The following FHIT variants were observed in gnomAD, a reference collection of about 807,000 sequenced individuals.
FHIT encodes bis(5'-adenosyl)-triphosphatase.
Under a neutral mutation model 17.9 loss-of-function variants are expected in FHIT, and 19 were observed. The ratio of observed to expected loss-of-function variants is 1.06; its 90% CI spans 0.74 to 1.56. FHIT has a LOEUF of 1.56. Among genes scored for constraint, FHIT ranks in the 40% most tolerant of loss-of-function variants. The pLI is 0.00. For missense variants in FHIT, 248 were observed against 189.2 expected (o/e 1.31, Z -1.82); for synonymous variants, 81 against 69.7 (o/e 1.16, Z -0.81).
At chr3:60,704,815 C>G (rs1177860739) in intron 4 of FHIT, among the ~76,000 whole-genome samples, 1 of 152,026 alleles carries the variant, frequency 6.6e-6, no homozygotes, top group Admixed American at 6.5e-5. Flanking sequence ...TAAAACTTAC[C>G]ATCAACTACT....
chr3:60,072,544 A>T (rs1055888215), intron 5 of FHIT, among the ~76,000 whole-genome samples: 6 of 152,220 alleles, frequency 3.9e-5, no homozygotes, highest in African/African-American at 1.4e-4. Context: ...TACACATTCC[A>T]TATATTAACT....
chr3:61,043,931 G>C (rs2033654921), intron 2 of FHIT, among the ~76,000 whole-genome samples: 1 of 152,140 alleles, frequency 6.6e-6, no homozygotes, highest in Admixed American at 6.5e-5. Flanking sequence ...CTGTTGGAAG[G>C]AAAACTAACA....
intron 7 of FHIT, among the ~76,000 whole-genome samples, chr3:59,937,696 T>C (rs1460896621): frequency 6.6e-6 from 1 of 152,220 alleles, no homozygotes; most frequent in Non-Finnish European, 1.5e-5. Flanking sequence ...CAAAGGAACA[T>C]TATTCTCCTT....
intron 7 of FHIT, among the ~76,000 whole-genome samples, chr3:59,970,742 T>A (rs1201816656): frequency 6.6e-6 from 1 of 152,054 alleles, no homozygotes; most frequent in Non-Finnish European, 1.5e-5. Context: ...TCTCCGGGAC[T>A]CCTAAATTTT....
At chr3:60,852,347 G>A (rs1703188346) in intron 3 of FHIT, among the ~76,000 whole-genome samples, 1 of 152,026 alleles carries the variant, frequency 6.6e-6, no homozygotes, top group African/African-American at 2.4e-5. Flanking sequence ...AGCCTCCATA[G>A]TCACAAGAGC....
At chr3:60,387,962 G>C (rs1701075950) in intron 5 of FHIT, among the ~76,000 whole-genome samples, 1 of 152,034 alleles carries the variant, frequency 6.6e-6, no homozygotes, top group African/African-American at 2.4e-5. Flanking sequence ...GTTAAAAGGA[G>C]CCTGACACCT....
chr3:60,203,981 A>G (rs1703038601), intron 5 of FHIT, among the ~76,000 whole-genome samples: 1 of 152,118 alleles, frequency 6.6e-6, no homozygotes, highest in South Asian at 2.1e-4. Flanking sequence ...TAGTGAGTAT[A>G]AAAAATAGAA....
chr3:59,839,927 A>C (rs1206366876), intron 8 of FHIT, among the ~76,000 whole-genome samples: 1 of 152,250 alleles, frequency 6.6e-6, no homozygotes, highest in African/African-American at 2.4e-5. Context: ...AGAAGTTGGC[A>C]TTAAACCTCA....
intron 4 of FHIT, among the ~76,000 whole-genome samples, chr3:60,649,177 C>G (rs782021400): frequency 6.6e-6 from 1 of 152,094 alleles, no homozygotes; most frequent in African/African-American, 2.4e-5. Flanking sequence ...ACGGGTGGAT[C>G]ACCAGGTCAG....
chr3:59,800,940 T>C (rs1356132126), intron 8 of FHIT, among the ~76,000 whole-genome samples: 1 of 152,178 alleles, frequency 6.6e-6, no homozygotes, highest in Non-Finnish European at 1.5e-5. Flanking sequence ...GCTCGTGAAA[T>C]TCCCAAGGAT....
chr3:60,655,241 G>T (rs2040086878), intron 4 of FHIT, among the ~76,000 whole-genome samples: 1 of 152,038 alleles, frequency 6.6e-6, no homozygotes, highest in African/African-American at 2.4e-5. Flanking sequence ...GGGAAGGGTG[G>T]GACTGGGAAC....
chr3:60,159,713 C>T (rs1310049249), intron 5 of FHIT, among the ~76,000 whole-genome samples: 3 of 152,120 alleles, frequency 2.0e-5, no homozygotes, highest in Non-Finnish European at 2.9e-5. Flanking sequence ...ATGGTAGATG[C>T]TAGAATTATC....
At chr3:60,699,746 G>T (rs1431788388) in intron 4 of FHIT, among the ~76,000 whole-genome samples, 6 of 143,302 alleles carry the variant, frequency 4.2e-5, no homozygotes, top group Non-Finnish European at 6.0e-5. Flanking sequence ...TAGGATTTAA[G>T]ATAAATACAC....
At chr3:60,631,622 CT>C (rs1438787551) in intron 4 of FHIT, among the ~76,000 whole-genome samples, 1 of 152,122 alleles carries the variant, frequency 6.6e-6, no homozygotes, top group African/African-American at 2.4e-5. Context: ...GAAAAATAGC[CT>C]TCTTTCATCT....
At chr3:60,474,982 T>C (rs971272327) in intron 5 of FHIT, among the ~76,000 whole-genome samples, 2 of 152,160 alleles carry the variant, frequency 1.3e-5, no homozygotes, top group African/African-American at 4.8e-5. Flanking sequence ...CAACTGACTG[T>C]TATTAATACA....
intron 5 of FHIT, among the ~76,000 whole-genome samples, chr3:60,061,333 T>C (rs564608657): frequency 6.6e-6 from 1 of 152,314 alleles, no homozygotes; most frequent in Non-Finnish European, 1.5e-5. Flanking sequence ...GTCCACAACA[T>C]ACGACCTCTT....
At chr3:60,940,955 CAT>C (rs1344253347) in intron 3 of FHIT, among the ~76,000 whole-genome samples, 1 of 152,104 alleles carries the variant, frequency 6.6e-6, no homozygotes, top group Non-Finnish European at 1.5e-5. Context: ...ATAGGAGCCA[CAT>C]GTCTGATTTT....
At chr3:60,046,999 A>G (rs375331258) in intron 5 of FHIT, among the ~76,000 whole-genome samples, 9 of 152,334 alleles carry the variant, frequency 5.9e-5, no homozygotes, top group African/African-American at 1.9e-4. Context: ...TTAAGTGCCC[A>G]CTTTTATCTG....
At chr3:60,029,799 T>C (rs1220483394) in intron 5 of FHIT, among the ~76,000 whole-genome samples, 1 of 152,090 alleles carries the variant, frequency 6.6e-6, no homozygotes. Context: ...TAATTATCCT[T>C]GGTTACTAGG....
Sources: allele counts gnomAD v4.1 joint callset (sites outside exome capture counted in the v4.1 genomes callset), GRCh38; gene constraint gnomAD v4.1.1; transcripts MANE v1.5; gene names NCBI Gene and HGNC (gene_info 2026-07-23, HGNC 2026-07-21).